The following NTM variants were observed in gnomAD, a reference collection of about 807,000 sequenced individuals.
The protein encoded by NTM is IgLON family member 2.
In NTM, 13 loss-of-function variants were observed where a neutral mutation model predicts 42.1. That is an observed-to-expected ratio of 0.31 (90% CI 0.20 to 0.49). The LOEUF (loss-of-function observed/expected upper bound fraction) is 0.49. Ranked by LOEUF, NTM falls within the 20% of genes least tolerant of loss-of-function variation. NTM has a pLI of 0.99. For missense variants in NTM, 373 were observed against 452.8 expected, an observed-to-expected ratio of 0.82 and a Z score of 1.60; for synonymous variants, 187 against 179.2, an observed-to-expected ratio of 1.04 and a Z score of -0.35.
chr11:131,813,879 C>A (rs2092839057), intron 1 of NTM, among the ~76,000 whole-genome samples: 1 of 152,122 alleles, frequency 6.6e-6, no homozygotes, highest in Non-Finnish European at 1.5e-5. Context: ...GTCCCTTCAA[C>A]CCACAGCCCT....
intron 1 of NTM, among the ~76,000 whole-genome samples, chr11:131,775,804 C>T (rs887662063): frequency 1.3e-5 from 2 of 152,168 alleles, no homozygotes; most frequent in African/African-American, 4.8e-5. Context: ...ATATCTATGG[C>T]TAAATGAAGG....
intron 7 of NTM, among the ~76,000 whole-genome samples, chr11:132,317,990 C>T (rs1482236617): frequency 6.6e-6 from 1 of 152,134 alleles, no homozygotes; most frequent in Non-Finnish European, 1.5e-5. Flanking sequence ...GAGTCTGGGA[C>T]CCATAGGAAG....
intron 2 of NTM, among the ~76,000 whole-genome samples, chr11:132,031,744 C>T (rs773797447): frequency 4.1e-4 from 62 of 152,116 alleles, no homozygotes; most frequent in Admixed American, 6.5e-5. Flanking sequence ...GAGGTGCAGG[C>T]TGGAGACAGG....
intron 1 of NTM, among the ~76,000 whole-genome samples, chr11:131,525,210 T>C (rs1269691760): frequency 2.0e-5 from 3 of 152,192 alleles, no homozygotes; most frequent in Non-Finnish European, 2.9e-5. Context: ...CATAACCACC[T>C]GTCTGCCAAG....
rs536117559 is a variant in NTM at position 131,954,521 on chromosome 11, G to A, written c.167+42873G>A. ...GCTCCCGATGATACAGCAGGAGGATGTACATTCATCCCTGTCCATCAGCGC... is the reference window on the plus strand; with the variant it reads ...GCTCCCGATGATACAGCAGGAGGATATACATTCATCCCTGTCCATCAGCGC... On this transcript the variant is annotated intron_variant, in intron 2 of 8. Transcript: ENST00000683400. Among the ~76,000 whole-genome samples the A allele has an allele frequency of 5.3e-5, 8 of 152,344 alleles. No individual in the cohort carries two copies. In the South Asian group the frequency reaches 1.7e-3, roughly 32 times the overall value.
At chr11:131,862,225 G>A (rs1299484464) in intron 1 of NTM, among the ~76,000 whole-genome samples, 2 of 152,154 alleles carry the variant, frequency 1.3e-5, no homozygotes, top group Non-Finnish European at 2.9e-5. Flanking sequence ...GTATTTCTGG[G>A]TCACTCTGAG....
chr11:131,430,087 T>G (rs1272694953), intron 1 of NTM, among the ~76,000 whole-genome samples: 1 of 152,222 alleles, frequency 6.6e-6, no homozygotes, highest in Non-Finnish European at 1.5e-5. Flanking sequence ...TGCCTGTCAC[T>G]GTGCTGGGCG....
chr11:131,814,746 G>T (rs926108338), intron 1 of NTM, among the ~76,000 whole-genome samples: 29 of 152,166 alleles, frequency 1.9e-4, no homozygotes, highest in Non-Finnish European at 8.8e-5. Flanking sequence ...GCCGGGCTAC[G>T]TCTGCAGCCT....
intron 1 of NTM, among the ~76,000 whole-genome samples, chr11:131,463,867 C>T (rs1951639738): frequency 6.6e-6 from 1 of 152,218 alleles, no homozygotes; most frequent in African/African-American, 2.4e-5. Context: ...GAGGATGGGG[C>T]CTGGAGGCGG....
intron 2 of NTM, among the ~76,000 whole-genome samples, chr11:131,985,905 TAGTG>T (rs1565886709): frequency 6.6e-6 from 1 of 152,178 alleles, no homozygotes; most frequent in Non-Finnish European, 1.5e-5. Context: ...ACACAGCACA[TAGTG>T]AGTGTTCCAC....
intron 1 of NTM, among the ~76,000 whole-genome samples, chr11:131,416,248 G>T (rs1319364781): frequency 1.3e-5 from 2 of 148,284 alleles, no homozygotes; most frequent in Non-Finnish European, 3.0e-5. Context: ...TCTCAATATT[G>T]TGTTCTTATT....
chr11:131,753,592 G>A lies in NTM; in HGVS notation c.83-157972G>A, dbSNP rs564834233. ...AAGTGATGAGTTCATGTCCTTTGTA[G>A]GGACATGGATGAAATTGGAAATCAT... On this transcript the variant is annotated intron_variant, in intron 1 of 8. Coordinates refer to ENST00000683400, the MANE Select transcript of NTM (RefSeq NM_001352005.2). 2.0e-5 allele frequency among the ~76,000 whole-genome samples: 3 copies of A among 147,660 alleles called. No individual in the cohort carries two copies. In the East Asian group the frequency reaches 5.8e-4, roughly 29 times the overall value.
chr11:131,428,146 G>C (rs1480821272), intron 1 of NTM, among the ~76,000 whole-genome samples: 2 of 152,114 alleles, frequency 1.3e-5, no homozygotes. Context: ...TGTAGAAAAC[G>C]TTATTCTCAA....
chr11:131,750,527 C>T (rs534996401), intron 1 of NTM, among the ~76,000 whole-genome samples: 2 of 152,298 alleles, frequency 1.3e-5, no homozygotes, highest in African/African-American at 2.4e-5. Flanking sequence ...ATTGCTCAAG[C>T]CAGAGACCAA....
chr11:131,394,846 CG>C (rs1032359886), intron 1 of NTM, among the ~76,000 whole-genome samples: 10 of 152,030 alleles, frequency 6.6e-5, no homozygotes, highest in African/African-American at 2.4e-4. Context: ...CAAATATTTG[CG>C]GGGTGTCAAT....
At chr11:131,417,715 C>T (rs1947097843) in intron 1 of NTM, among the ~76,000 whole-genome samples, 1 of 152,282 alleles carries the variant, frequency 6.6e-6, no homozygotes, top group Non-Finnish European at 1.5e-5. Context: ...GATCAAAGAA[C>T]CTAAACTATC....
At chr11:131,955,381 G>T in intron 2 of NTM, among the ~76,000 whole-genome samples, 1 of 152,100 alleles carries the variant, frequency 6.6e-6, no homozygotes, top group Non-Finnish European at 1.5e-5. Context: ...ATGGATCCTA[G>T]CTGGGCTCTG....
intron 1 of NTM, among the ~76,000 whole-genome samples, chr11:131,562,060 T>C (rs1387719291): frequency 6.6e-6 from 1 of 152,194 alleles, no homozygotes; most frequent in Non-Finnish European, 1.5e-5. Context: ...TTTGGTCTGG[T>C]TCTACTGCAA....
rs116739938 is a variant in NTM, at chr11:131,858,528, G to A, written c.83-53036G>A. 6.4e-3 allele frequency among the ~76,000 whole-genome samples: 968 copies of A among 152,268 alleles called. 12 individuals are homozygous for A. Among genetic ancestry groups the A allele is most frequent in the African/African-American group, 0.022 (898 of 41,540 alleles). On this transcript the variant is annotated intron_variant, in intron 1 of 8. Transcript: ENST00000683400. ...ACACATGTATAAATTGTCACCATTC[G>A]TAGAACCCAGGAGGTTTTCCGCACG... is the stretch of plus-strand genomic sequence containing the variant.
Sources: gnomAD v4.1 joint callset for allele counts (sites outside exome capture counted in the v4.1 genomes callset) on GRCh38, gnomAD v4.1.1 for gene constraint, MANE v1.5 for transcripts, NCBI Gene and HGNC (gene_info 2026-07-23, HGNC 2026-07-21) for gene names.